The following INSR variants were observed in gnomAD, a reference collection of about 807,000 sequenced individuals.
INSR encodes IR.
INSR carries 67 observed loss-of-function variants against 142.6 expected under a neutral mutation model. The ratio of observed to expected loss-of-function variants is 0.47; its 90% CI spans 0.39 to 0.58. The LOEUF (loss-of-function observed/expected upper bound fraction) is 0.58, where lower values mean the gene tolerates loss of function less well. Among genes scored for constraint, INSR ranks in the 20% least tolerant of loss-of-function variants. The pLI is 0.00. For synonymous variants in INSR, 756 were observed against 743.1 expected (o/e 1.02, Z -0.28); for missense variants, 1,248 against 1,833.2 (o/e 0.68, Z 5.83).
At chr19:7,139,511 C>G (rs768063671) in intron 13 of INSR, among the ~76,000 whole-genome samples, 5 of 152,048 alleles carry the variant, frequency 3.3e-5, no homozygotes, top group Non-Finnish European at 4.4e-5. Flanking sequence ...CATCAAAAGG[C>G]AGAGGAAAGT....
intron 1 of INSR, among the ~76,000 whole-genome samples, chr19:7,291,272 G>C (rs1968487925): frequency 6.6e-6 from 1 of 152,308 alleles, no homozygotes; most frequent in Admixed American, 6.5e-5. Flanking sequence ...AGCCACACTA[G>C]CTAGATTGCA....
intron 2 of INSR, among the ~76,000 whole-genome samples, chr19:7,235,215 A>G (rs1031806404): frequency 2.6e-5 from 4 of 152,110 alleles, no homozygotes; most frequent in Admixed American, 2.6e-4. Flanking sequence ...CTCAGTCAAC[A>G]GTCTAAAAGC....
chr19:7,144,833 T>G (rs1030474421), intron 11 of INSR, among the ~76,000 whole-genome samples: 1 of 152,136 alleles, frequency 6.6e-6, no homozygotes, highest in Non-Finnish European at 1.5e-5. Context: ...TTTAAGCTTC[T>G]TAATACCTAC....
chr19:7,265,686 G>C (rs1011030262), intron 2 of INSR, among the ~76,000 whole-genome samples: 1 of 149,406 alleles, frequency 6.7e-6, no homozygotes, highest in Non-Finnish European at 1.5e-5. Context: ...AGTGAGCCGA[G>C]ATTGCACCAT....
intron 9 of INSR, among the ~76,000 whole-genome samples, chr19:7,157,534 A>G (rs1446034375): frequency 6.8e-6 from 1 of 147,784 alleles, no homozygotes; most frequent in Non-Finnish European, 1.5e-5. Flanking sequence ...AAGTGCTGGG[A>G]TTACAGGCAT....
chr19:7,201,667 C>CT (rs570519539), intron 2 of INSR, among the ~76,000 whole-genome samples: 54,920 of 127,756 alleles, frequency 0.43, 11,990 homozygotes, highest in East Asian at 0.52. Context: ...TATTTTCATT[C>CT]TTTTTTTTTT....
chr19:7,125,662 G>T lies in INSR; in HGVS notation c.3014-135C>A. On this transcript the variant is annotated intron_variant, in intron 16 of 21. Transcript: ENST00000302850. The surrounding 1 kb of genome is among the most constrained non-coding windows in gnomAD (Gnocchi z 4.9). Reference sequence around the variant, plus strand: ...TTCTGTGATCCAGGACCCATGCCGGGCACTGGGCATATGGCCGAGAACAGG... The same window carrying T: ...TTCTGTGATCCAGGACCCATGCCGGTCACTGGGCATATGGCCGAGAACAGG... 1 of 1,210,174 alleles carries T rather than the reference G, an allele frequency of 8.3e-7. No homozygotes were observed. Among genetic ancestry groups the T allele is most frequent in the Non-Finnish European group, 1.2e-6 (1 of 842,700 alleles). 75.0% of individuals were successfully genotyped at this position (1,210,174 alleles called of 1,614,324 possible). A position where few individuals can be genotyped will look rare whatever the true frequency, so the allele number is the denominator to read the frequency against.
intron 13 of INSR, among the ~76,000 whole-genome samples, chr19:7,134,108 G>A (rs969151093): frequency 6.6e-6 from 1 of 151,956 alleles, no homozygotes; most frequent in African/African-American, 2.4e-5. Flanking sequence ...GAACCCGGGA[G>A]GCGGAGCTTG....
Position 7,128,214 on chromosome 19 carries a change from C to CTT in INSR, c.2945+636_2945+637dup, listed in dbSNP as rs781350558. ...TATGTCTTATTTCAGTTTTGTCCTA[C>CTT]TTTTTTTTTTTTTCCCGAGACGGAG... is the stretch of plus-strand genomic sequence containing the variant. On this transcript the variant is annotated intron_variant, in intron 15 of 21. Coordinates refer to ENST00000302850, the MANE Select transcript of INSR (RefSeq NM_000208.4). 9.1e-3 allele frequency among the ~76,000 whole-genome samples: 1,310 copies of CTT among 143,828 alleles called. 20 individuals are homozygous for CTT. The highest frequency in any genetic ancestry group is 0.031 in the African/African-American group (1,238 of 39,462). 94.4% of individuals were successfully genotyped at this position (143,828 alleles called of 152,430 possible).
intron 4 of INSR, among the ~76,000 whole-genome samples, chr19:7,173,612 CTTTTTTTTT>C (rs953885301): frequency 1.6e-5 from 1 of 61,480 alleles, no homozygotes; most frequent in Non-Finnish European, 2.7e-5. Context: ...CAGCGCCTGG[CTTTTTTTTT>C]TTTTTTTTTT....
chr19:7,122,259 T>C (rs1288464511), intron 19 of INSR, among the ~76,000 whole-genome samples: 2 of 151,344 alleles, frequency 1.3e-5, no homozygotes, highest in South Asian at 4.2e-4. Flanking sequence ...CTGGCCAACA[T>C]GGATGAAACC....
rs536570089 is a variant in INSR at position 7,177,474 on chromosome 19, G to A, written c.975-2743C>T. On this transcript the variant is annotated intron_variant, in intron 3 of 21. Transcript: ENST00000302850. Reference sequence around the variant, plus strand: ...AACTCCCTGAACTTTTTGGTTATGGGTACCAACAAACTCCTTTAATCTTGG... The same window carrying A: ...AACTCCCTGAACTTTTTGGTTATGGATACCAACAAACTCCTTTAATCTTGG... Among the ~76,000 whole-genome samples, 11 of 152,120 alleles carry A rather than the reference G, an allele frequency of 7.2e-5. 1 individual carries two copies. The South Asian group carries it at 2.1e-3, about 29-fold the overall frequency.
At chr19:7,172,618 G>GC (rs898079971) in intron 4 of INSR, among the ~76,000 whole-genome samples, 184 bp from the exon 5 acceptor site, 5 of 152,042 alleles carry the variant, frequency 3.3e-5, no homozygotes, top group African/African-American at 1.2e-4. Context: ...GCATACTTCT[G>GC]CCCCAGGACC....
intron 2 of INSR, among the ~76,000 whole-genome samples, chr19:7,212,297 C>T (rs1975299141): frequency 6.6e-6 from 1 of 152,120 alleles, no homozygotes; most frequent in South Asian, 2.1e-4. Flanking sequence ...TTCATCAGGC[C>T]CTGATTTATA....
chr19:7,135,065 G>A (rs79545787), intron 13 of INSR, among the ~76,000 whole-genome samples: 6,235 of 133,028 alleles, frequency 0.047, 349 homozygotes, highest in African/African-American at 0.13. Flanking sequence ...GAGGGGGGTG[G>A]AGAGTGGAGA....
intron 2 of INSR, 82 bp from the exon 3 acceptor site, chr19:7,184,719 A>G: frequency 9.1e-7 from 1 of 1,098,836 alleles, no homozygotes; most frequent in Non-Finnish European, 1.2e-6. Context: ...GCTTTGTCCA[A>G]TTCCTGTCTG....
chr19:7,254,081 C>A (rs1300757627), intron 2 of INSR, among the ~76,000 whole-genome samples: 4 of 150,856 alleles, frequency 2.7e-5, no homozygotes, highest in Non-Finnish European at 5.9e-5. Flanking sequence ...GAAAAATGAG[C>A]AAACAGGTCG....
Position 7,257,239 on chromosome 19 carries a change from C to A in INSR, c.652+10106G>T, listed in dbSNP as rs190345019. Among the ~76,000 whole-genome samples the A allele has an allele frequency of 1.9e-3, 286 of 152,156 alleles. 4 individuals are homozygous for A. Among genetic ancestry groups the A allele is most frequent in the African/African-American group, 6.6e-3 (275 of 41,522 alleles). On this transcript the variant is annotated intron_variant, in intron 2 of 21. Coordinates refer to ENST00000302850, the MANE Select transcript of INSR (RefSeq NM_000208.4). ...GATTACAGGCCTGAGCCACCGTGCC[C>A]GGCCTCCCCCACCTTATCTTTTTCT...
intron 14 of INSR, among the ~76,000 whole-genome samples, chr19:7,130,839 T>C (rs2144827811): frequency 6.6e-6 from 1 of 151,632 alleles, no homozygotes; most frequent in South Asian, 2.1e-4. Context: ...TCTTTCCTTT[T>C]CTTTCTTTTT....
Sources: allele counts gnomAD v4.1 joint callset (sites outside exome capture counted in the v4.1 genomes callset), GRCh38; gene constraint gnomAD v4.1.1; non-coding constraint Gnocchi (gnomAD v3.1); transcripts MANE v1.5; gene names NCBI Gene and HGNC (gene_info 2026-07-23, HGNC 2026-07-21).